The following MAGI2 variants were observed in gnomAD, a reference collection of about 807,000 sequenced individuals.
MAGI2 encodes membrane-associated guanylate kinase, WW and PDZ domain-containing protein 2.
MAGI2 carries 35 observed loss-of-function variants against 133.3 expected under a neutral mutation model. The ratio of observed to expected loss-of-function variants is 0.26; its 90% CI spans 0.20 to 0.35. The LOEUF (loss-of-function observed/expected upper bound fraction) is 0.35, where lower values mean the gene tolerates loss of function less well. MAGI2 is among the 10% of genes least tolerant of loss of function. MAGI2 has a pLI of 1.00. For synonymous variants in MAGI2, 729 were observed against 710.6 expected (o/e 1.03, Z -0.41); for missense variants, 1,636 against 1,863.4 (o/e 0.88, Z 2.25).
At chr7:79,110,833 G>A (rs1818867860) in intron 1 of MAGI2, among the ~76,000 whole-genome samples, 1 of 152,044 alleles carries the variant, frequency 6.6e-6, no homozygotes, top group African/African-American at 2.4e-5. Flanking sequence ...GGGTCATAGG[G>A]GCAGATCCCT....
chr7:79,309,505 A>G (rs1258491136), intron 1 of MAGI2, among the ~76,000 whole-genome samples: 2 of 151,904 alleles, frequency 1.3e-5, no homozygotes, highest in Non-Finnish European at 2.9e-5. Context: ...CTCAGCATAC[A>G]TACTAGCATG....
intron 3 of MAGI2, among the ~76,000 whole-genome samples, chr7:78,577,207 A>G (rs1048393418): frequency 7.2e-5 from 11 of 152,192 alleles, no homozygotes; most frequent in African/African-American, 2.2e-4. Flanking sequence ...GGTGCTACTA[A>G]TTTTATGGAA....
intron 6 of MAGI2, 104 bp from the exon 7 acceptor site, chr7:78,369,317 T>G: frequency 1.3e-6 from 1 of 768,604 alleles, no homozygotes; most frequent in Non-Finnish European, 2.1e-6. Context: ...TCTGCCAAAG[T>G]GGAACAAAGC....
intron 2 of MAGI2, among the ~76,000 whole-genome samples, chr7:78,807,961 C>T (rs1788726009): frequency 6.6e-6 from 1 of 152,094 alleles, no homozygotes; most frequent in Admixed American, 6.6e-5. Context: ...AGACTTAGGT[C>T]TGGCTGACTT....
intron 2 of MAGI2, among the ~76,000 whole-genome samples, chr7:78,646,080 A>G (rs1410643938): frequency 6.6e-6 from 1 of 152,154 alleles, no homozygotes; most frequent in Non-Finnish European, 1.5e-5. Context: ...ATGAACACCA[A>G]ACCAAGTAAA....
At chr7:78,217,027 A>G (rs1472777403) in intron 10 of MAGI2, among the ~76,000 whole-genome samples, 3 of 152,180 alleles carry the variant, frequency 2.0e-5, no homozygotes, top group African/African-American at 4.8e-5. Flanking sequence ...AGGGGATGGC[A>G]TCTCCAATGT....
At chr7:78,495,591 T>C (rs879366408) in intron 5 of MAGI2, among the ~76,000 whole-genome samples, 1 of 152,148 alleles carries the variant, frequency 6.6e-6, no homozygotes, top group Non-Finnish European at 1.5e-5. Context: ...CAAGACTCCA[T>C]TCACCCAAAG....
At chr7:78,170,602 T>C (rs946393087) in intron 14 of MAGI2, 1 of 152,112 alleles carries the variant, frequency 6.6e-6, no homozygotes, top group Non-Finnish European at 1.5e-5. Context: ...GTAAATTATA[T>C]AGGATGCCAG....
chr7:78,468,088 C>G (rs1334488893), intron 6 of MAGI2, among the ~76,000 whole-genome samples: 1 of 152,058 alleles, frequency 6.6e-6, no homozygotes, highest in African/African-American at 2.4e-5. Flanking sequence ...ACAAAACAAA[C>G]TTTGGTTTGA....
At chr7:78,524,220 G>A (rs1050066864) in intron 3 of MAGI2, among the ~76,000 whole-genome samples, 2 of 152,106 alleles carry the variant, frequency 1.3e-5, no homozygotes, top group African/African-American at 2.4e-5. Flanking sequence ...GGGCCTCCCC[G>A]GGTAGAAAGA....
chr7:78,493,852 A>C (rs535464763), intron 5 of MAGI2, among the ~76,000 whole-genome samples: 94 of 99,802 alleles, frequency 9.4e-4, no homozygotes, highest in Non-Finnish European at 1.5e-3. Context: ...TATGATATTA[A>C]AGTTCCATGT....
intron 2 of MAGI2, among the ~76,000 whole-genome samples, chr7:78,804,392 A>G (rs1470130123): frequency 2.6e-5 from 4 of 152,206 alleles, no homozygotes; most frequent in South Asian, 4.1e-4. Context: ...AACTGTATTT[A>G]TAGAAGACAC....
At chr7:78,785,904 T>C (rs1826775602) in intron 2 of MAGI2, among the ~76,000 whole-genome samples, 1 of 152,144 alleles carries the variant, frequency 6.6e-6, no homozygotes, top group South Asian at 2.1e-4. Context: ...ACTTCCTTGG[T>C]GAGACTTCAT....
intron 6 of MAGI2, among the ~76,000 whole-genome samples, chr7:78,375,248 G>A (rs921820620): frequency 1.3e-5 from 2 of 151,930 alleles, no homozygotes; most frequent in African/African-American, 4.8e-5. Flanking sequence ...AGAAAAACTG[G>A]GTAAATACAA....
chr7:79,388,011 T>A (rs1479663803), intron 1 of MAGI2, among the ~76,000 whole-genome samples: 1 of 151,944 alleles, frequency 6.6e-6, no homozygotes, highest in East Asian at 1.9e-4. Context: ...TTTCCCCAAA[T>A]TAAAATAATA....
intron 2 of MAGI2, among the ~76,000 whole-genome samples, chr7:78,899,766 C>T (rs770368614): frequency 2.0e-5 from 3 of 152,110 alleles, no homozygotes; most frequent in Non-Finnish European, 4.4e-5. Flanking sequence ...GTCATATAGT[C>T]TGTGTTGAGA....
chr7:79,219,535 T>G (rs894319605), intron 1 of MAGI2, among the ~76,000 whole-genome samples: 1 of 152,100 alleles, frequency 6.6e-6, no homozygotes, highest in Non-Finnish European at 1.5e-5. Flanking sequence ...AGTTTGTCCT[T>G]GATTGATTGC....
In MAGI2 at chr7:79,066,944, C is replaced by T. The variant is rs1004239697; in HGVS notation, c.302-59738G>A. 9.9e-5 allele frequency among the ~76,000 whole-genome samples: 15 copies of T among 152,064 alleles called. No individual in the cohort carries two copies. In the South Asian group the frequency reaches 1.9e-3, roughly 19 times the overall value. On this transcript the variant is annotated intron_variant, in intron 1 of 21. Coordinates refer to ENST00000354212, the MANE Select transcript of MAGI2 (RefSeq NM_012301.4). The stretch of plus-strand genomic sequence containing the variant: ...AGATGTGTGGTGTTATTTCTGAGGC[C>T]CCTGTTCTGTTCCATTGGTCTATAT...
At chr7:78,081,464 A>ATCTAACC (rs1354752544) in intron 20 of MAGI2, among the ~76,000 whole-genome samples, 1 of 152,198 alleles carries the variant, frequency 6.6e-6, no homozygotes. Flanking sequence ...TACTAAGGGC[A>ATCTAACC]CAGAAAGAAC....
Sources: gnomAD v4.1 joint callset for allele counts (sites outside exome capture counted in the v4.1 genomes callset) on GRCh38, gnomAD v4.1.1 for gene constraint, MANE v1.5 for transcripts, NCBI Gene and HGNC (gene_info 2026-07-23, HGNC 2026-07-21) for gene names.